The following RBFOX1 variants were observed in gnomAD, a reference collection of about 807,000 sequenced individuals.
RBFOX1 encodes RNA binding protein fox-1 homolog 1.
RBFOX1 carries 8 observed loss-of-function variants against 57.7 expected under a neutral mutation model. The ratio of observed to expected loss-of-function variants is 0.14; its 90% CI spans 0.08 to 0.25. The LOEUF is 0.25. Among genes scored for constraint, RBFOX1 ranks in the 10% least tolerant of loss-of-function variants. The pLI, the probability that RBFOX1 is intolerant of heterozygous loss-of-function variation, is 1.00. For missense variants in RBFOX1, 611 were observed against 548.5 expected, an observed-to-expected ratio of 1.11 and a Z score of -1.14; for synonymous variants, 326 against 222.4, an observed-to-expected ratio of 1.47 and a Z score of -4.15.
At chr16:7,674,725 C>G (rs1428480897) in intron 13 of RBFOX1, among the ~76,000 whole-genome samples, 1 of 152,124 alleles carries the variant, frequency 6.6e-6, no homozygotes, top group African/African-American at 2.4e-5. Context: ...CAGCGGAATC[C>G]CAGGTGTACA....
chr16:6,271,598 C>G (rs1193334155), intron 1 of RBFOX1, among the ~76,000 whole-genome samples: 1 of 152,070 alleles, frequency 6.6e-6, no homozygotes, highest in Non-Finnish European at 1.5e-5. Flanking sequence ...AGAGATGACA[C>G]AAATTATCAA....
chr16:7,501,809 T>A (rs534572671), intron 4 of RBFOX1, among the ~76,000 whole-genome samples: 173 of 152,288 alleles, frequency 1.1e-3, no homozygotes, highest in Non-Finnish European at 2.0e-3. Flanking sequence ...TAAATTTATC[T>A]TCTCTGGGCA....
At chr16:7,096,118 T>C (rs1254303171) in intron 4 of RBFOX1, among the ~76,000 whole-genome samples, 1 of 152,006 alleles carries the variant, frequency 6.6e-6, no homozygotes, top group Non-Finnish European at 1.5e-5. Context: ...AGACATGATA[T>C]GATCCCAATC....
chr16:6,747,066 C>G (rs199946633), intron 3 of RBFOX1, among the ~76,000 whole-genome samples: 2 of 152,124 alleles, frequency 1.3e-5, no homozygotes, highest in African/African-American at 4.8e-5. Flanking sequence ...GAACCCCTCA[C>G]GGTACCATAG....
intron 4 of RBFOX1, among the ~76,000 whole-genome samples, chr16:7,174,933 C>G (rs547893349): frequency 6.6e-6 from 1 of 152,300 alleles, no homozygotes; most frequent in African/African-American, 2.4e-5. Context: ...CAAATTACTG[C>G]CATTCTAGTG....
At chr16:6,836,590 C>T (rs1305393579) in intron 3 of RBFOX1, among the ~76,000 whole-genome samples, 1 of 152,184 alleles carries the variant, frequency 6.6e-6, no homozygotes, top group African/African-American at 2.4e-5. Flanking sequence ...AATCATCTTT[C>T]AAGACTTGGC....
In RBFOX1 at chr16:7,434,022, C is replaced by A. The variant is rs537746744; in HGVS notation, c.28-84125C>A. ...GAACAGTTAATACTATTGGAAACTG[C>A]TCTTGGAGGAGTCAAGCCTGAATGA... On this transcript the variant is annotated intron_variant, in intron 4 of 15. Transcript: ENST00000550418. 5.5e-4 allele frequency among the ~76,000 whole-genome samples: 84 copies of A among 152,082 alleles called. 1 individual carries two copies. The highest frequency in any genetic ancestry group is 1.0e-3 in the Non-Finnish European group (69 of 68,032).
At chr16:5,585,802 A>G (rs8061202) in intron 2 of RBFOX1, among the ~76,000 whole-genome samples, 3,472 of 152,322 alleles carry the variant, frequency 0.023, 57 homozygotes, top group Non-Finnish European at 0.036. Flanking sequence ...CTTGGTCTTC[A>G]CTGCTGGAGA....
At chr16:6,814,808 T>G (rs756058485) in intron 3 of RBFOX1, among the ~76,000 whole-genome samples, 1 of 151,984 alleles carries the variant, frequency 6.6e-6, no homozygotes, top group African/African-American at 2.4e-5. Flanking sequence ...GGGGTTTGGG[T>G]TTATGTCCTG....
chr16:6,008,900 A>G (rs114803015), intron 4 of RBFOX1, among the ~76,000 whole-genome samples: 5 of 152,286 alleles, frequency 3.3e-5, no homozygotes, highest in Admixed American at 2.6e-4. Context: ...TTGAACACAG[A>G]GACGAATCAA....
At chr16:6,723,436 G>A (rs940158759) in intron 3 of RBFOX1, among the ~76,000 whole-genome samples, 45 of 152,090 alleles carry the variant, frequency 3.0e-4, no homozygotes, top group African/African-American at 1.0e-3. Context: ...TACATTATTG[G>A]TGAACACACA....
intron 14 of RBFOX1, among the ~76,000 whole-genome samples, chr16:7,687,342 C>A (rs979454956): frequency 1.3e-5 from 2 of 151,954 alleles, no homozygotes; most frequent in Non-Finnish European, 2.9e-5. Flanking sequence ...GGTGATAAAA[C>A]TGAAATATAA....
At chr16:5,851,220 A>C (rs988509015) in intron 3 of RBFOX1, among the ~76,000 whole-genome samples, 1 of 152,140 alleles carries the variant, frequency 6.6e-6, no homozygotes, top group Non-Finnish European at 1.5e-5. Flanking sequence ...TGTATTCCAC[A>C]CAGAGCAGGA....
intron 3 of RBFOX1, among the ~76,000 whole-genome samples, chr16:6,946,725 C>T (rs1346792929): frequency 6.6e-6 from 1 of 152,046 alleles, no homozygotes; most frequent in Non-Finnish European, 1.5e-5. Context: ...GCCTGAGTCT[C>T]CCAAATAGCT....
intron 3 of RBFOX1, among the ~76,000 whole-genome samples, chr16:6,807,520 T>C (rs532030276): frequency 1.3e-5 from 2 of 152,040 alleles, no homozygotes; most frequent in Non-Finnish European, 2.9e-5. Context: ...TCCTATGATA[T>C]TAAGATGCAT....
Position 6,787,288 on chromosome 16 carries a change from G to T in RBFOX1, c.-16+132638G>T, listed in dbSNP as rs536159918. The stretch of plus-strand genomic sequence containing the variant: ...CGTTCTAGGCAGCATAATCTTAAGA[G>T]CAAAAGCCAGGTTGGTCCTGCCATG... On this transcript the variant is annotated intron_variant, in intron 3 of 15. Transcript: ENST00000550418. Among the ~76,000 whole-genome samples, 4 of 152,238 alleles carry T rather than the reference G, an allele frequency of 2.6e-5. No individual in the cohort carries two copies. In the East Asian group the frequency reaches 7.7e-4, roughly 29 times the overall value.
chr16:6,195,332 C>G (rs73532070), intron 1 of RBFOX1, among the ~76,000 whole-genome samples: 1 of 152,152 alleles, frequency 6.6e-6, no homozygotes, highest in Non-Finnish European at 1.5e-5. Flanking sequence ...GTTGCTCCCA[C>G]CACACGTTCC....
intron 2 of RBFOX1, among the ~76,000 whole-genome samples, chr16:6,604,239 G>T (rs1336470579): frequency 1.3e-5 from 2 of 151,960 alleles, no homozygotes; most frequent in Non-Finnish European, 2.9e-5. Context: ...CATGATAGGT[G>T]CACCATGTCT....
At chr16:6,288,256 G>C (rs189868720) in intron 1 of RBFOX1, among the ~76,000 whole-genome samples, 1 of 152,004 alleles carries the variant, frequency 6.6e-6, no homozygotes, top group African/African-American at 2.4e-5. Context: ...TTATAGCGAT[G>C]TTTATCAAGT....
Sources: gnomAD v4.1 joint callset for allele counts (sites outside exome capture counted in the v4.1 genomes callset) on GRCh38, gnomAD v4.1.1 for gene constraint, MANE v1.5 for transcripts, NCBI Gene and HGNC (gene_info 2026-07-23, HGNC 2026-07-21) for gene names.